The following TAF3 variants were observed in gnomAD, a reference collection of about 807,000 sequenced individuals.
The protein encoded by TAF3 is transcription initiation factor TFIID subunit 3.
A neutral mutation model predicts 80.6 loss-of-function variants in TAF3; 7 were observed. The observed-to-expected ratio is 0.09, with a 90% CI of 0.05 to 0.16. The LOEUF is 0.16. Ranked by LOEUF, TAF3 falls within the 10% of genes least tolerant of loss-of-function variation. The probability of loss-of-function intolerance (pLI) is 1.00; values close to 1 mark genes in which losing one functional copy is unlikely to be tolerated. For synonymous variants in TAF3, 444 were observed against 446.1 expected, an observed-to-expected ratio of 1.00 and a Z score of 0.06; for missense variants, 921 against 1,140.2, an observed-to-expected ratio of 0.81 and a Z score of 2.77.
chr10:8,010,045 A>G (rs1832039683), intron 5 of TAF3, among the ~76,000 whole-genome samples: 1 of 152,052 alleles, frequency 6.6e-6, no homozygotes, highest in South Asian at 2.1e-4. Context: ...AGCTGGGATC[A>G]CAGGCAGTCA....
chr10:7,867,036 AT>A (rs1009040407), intron 2 of TAF3, among the ~76,000 whole-genome samples: 3 of 152,170 alleles, frequency 2.0e-5, no homozygotes, highest in Admixed American at 6.5e-5. Context: ...AGGCAGGCGG[AT>A]CACCTGAGGT....
intron 2 of TAF3, among the ~76,000 whole-genome samples, chr10:7,950,340 C>T (rs1447197395): frequency 6.6e-6 from 1 of 152,136 alleles, no homozygotes; most frequent in Non-Finnish European, 1.5e-5. Context: ...CATGAAGACC[C>T]TGTGGAGGGA....
At chr10:7,907,604 G>A (rs1455510155) in intron 2 of TAF3, among the ~76,000 whole-genome samples, 1 of 152,164 alleles carries the variant, frequency 6.6e-6, no homozygotes, top group Non-Finnish European at 1.5e-5. Context: ...AGAAGTTTGG[G>A]CAATACTGAC....
chr10:7,876,161 T>C (rs1837310492), intron 2 of TAF3, among the ~76,000 whole-genome samples: 1 of 152,128 alleles, frequency 6.6e-6, no homozygotes, highest in Non-Finnish European at 1.5e-5. Flanking sequence ...GTGCGGTGTT[T>C]TATATTTTTC....
chr10:7,896,607 G>A (rs1213751765), intron 2 of TAF3, among the ~76,000 whole-genome samples: 2 of 152,148 alleles, frequency 1.3e-5, no homozygotes, highest in Non-Finnish European at 2.9e-5. Context: ...TGCAGTAAGT[G>A]GGACAGAGGT....
intron 2 of TAF3, among the ~76,000 whole-genome samples, chr10:7,871,709 G>T (rs1308277433): frequency 6.6e-6 from 1 of 151,998 alleles, no homozygotes; most frequent in Non-Finnish European, 1.5e-5. Context: ...CTCCCAAAGT[G>T]CTGGAATTAC....
At chr10:8,006,099 G>A (rs1418837412) in intron 4 of TAF3, among the ~76,000 whole-genome samples, 1 of 152,064 alleles carries the variant, frequency 6.6e-6, no homozygotes, top group Non-Finnish European at 1.5e-5. Flanking sequence ...GGAGGCTGAG[G>A]TGGGCAGATG....
rs58825999 is a variant in TAF3, at chr10:7,988,572, CAAAAAAAAAAAA to C, written c.2315+11267_2315+11278del. Among the ~76,000 whole-genome samples the C allele has an allele frequency of 5.1e-4, 25 of 49,282 alleles. 1 individual carries two copies. Among genetic ancestry groups the C allele is most frequent in the Admixed American group, 2.5e-3 (8 of 3,152 alleles). 32.3% of individuals were successfully genotyped at this position (49,282 alleles called of 152,430 possible). ...TGGGCAACAGAGTGAGACCCTGTCT[CAAAAAAAAAAAA>C]AAAAAAAAAAAAAAAAAGAAGCCAG... On this transcript the variant is annotated intron_variant, in intron 4 of 6. Coordinates refer to ENST00000344293, the MANE Select transcript of TAF3 (RefSeq NM_031923.4).
intron 2 of TAF3, among the ~76,000 whole-genome samples, chr10:7,878,320 C>T (rs1486848546): frequency 5.3e-5 from 8 of 152,178 alleles, no homozygotes; most frequent in Admixed American, 3.3e-4. Flanking sequence ...GAATAAAAGG[C>T]TCTCCAACTG....
At chr10:7,871,546 TG>T (rs2131145843) in intron 2 of TAF3, among the ~76,000 whole-genome samples, 1 of 149,878 alleles carries the variant, frequency 6.7e-6, no homozygotes, top group Non-Finnish European at 1.5e-5. Flanking sequence ...CAGGTTCAAG[TG>T]ATTCTGCTGC....
Position 8,009,073 on chromosome 10 carries a change from G to T in TAF3, c.2316-5G>T. On this transcript the variant is annotated splice_region_variant and splice_polypyrimidine_tract_variant and intron_variant, in intron 4 of 6. Coordinates refer to ENST00000344293, the MANE Select transcript of TAF3 (RefSeq NM_031923.4). The surrounding 1 kb of genome is among the most constrained non-coding windows in gnomAD (Gnocchi z 4.1). ...GACTTTTACCTTCTCTTCTTTTGTT[G>T]ACAGTGTCATCAGCAAGGTGGTCCC... The T allele has an allele frequency of 1.1e-5, 18 of 1,599,102 alleles. No individual in the cohort carries two copies. The highest frequency in any genetic ancestry group is 1.5e-5 in the Non-Finnish European group (18 of 1,173,354).
intron 4 of TAF3, among the ~76,000 whole-genome samples, chr10:7,986,383 TTC>T: frequency 6.6e-6 from 1 of 152,264 alleles, no homozygotes; most frequent in African/African-American, 2.4e-5. Context: ...GCCAGTGTGG[TTC>T]TTCTTCTTTT....
At chr10:7,979,217 G>A (rs750759663) in intron 4 of TAF3, among the ~76,000 whole-genome samples, 14 of 151,912 alleles carry the variant, frequency 9.2e-5, no homozygotes, top group South Asian at 4.2e-4. Flanking sequence ...GGTGGCAGGT[G>A]CCTGTAGTCC....
chr10:7,838,770 C>T (rs1588518706), intron 2 of TAF3, among the ~76,000 whole-genome samples: 1 of 152,144 alleles, frequency 6.6e-6, no homozygotes, highest in African/African-American at 2.4e-5. Flanking sequence ...CACACCCAGC[C>T]TCCTAGTTAA....
At position 7,956,809 on chromosome 10, in the gene TAF3, A is replaced by G. The variant is rs532551958; in HGVS notation, c.410-7111A>G. Among the ~76,000 whole-genome samples the G allele has an allele frequency of 3.3e-5, 5 of 152,332 alleles. No individual in the cohort carries two copies. The South Asian group carries it at 1.0e-3, about 32-fold the overall frequency. On this transcript the variant is annotated intron_variant, in intron 2 of 6. Coordinates refer to ENST00000344293, the MANE Select transcript of TAF3 (RefSeq NM_031923.4). Reference sequence around the variant, plus strand: ...ATTTCTTATTTGAAGTATAGCATTCACATTTTAGTGACTGTGTGAAAAACA... The same window carrying G: ...ATTTCTTATTTGAAGTATAGCATTCGCATTTTAGTGACTGTGTGAAAAACA...
At chr10:7,955,549 GTAGT>G (rs1354052270) in intron 2 of TAF3, among the ~76,000 whole-genome samples, 5 of 152,328 alleles carry the variant, frequency 3.3e-5, no homozygotes, top group Non-Finnish European at 4.4e-5. Flanking sequence ...ATGCGTCTGT[GTAGT>G]TAGTCAGATA....
At chr10:7,976,242 CTTTT>C (rs946240358) in intron 3 of TAF3, among the ~76,000 whole-genome samples, 4 of 150,374 alleles carry the variant, frequency 2.7e-5, no homozygotes, top group African/African-American at 9.8e-5. Context: ...CGTTTTCTTT[CTTTT>C]TTCTTTTTTT....
At chr10:7,897,760 A>G (rs1837519194) in intron 2 of TAF3, among the ~76,000 whole-genome samples, 1 of 151,766 alleles carries the variant, frequency 6.6e-6, no homozygotes, top group Non-Finnish European at 1.5e-5. Flanking sequence ...CCTGGGCTCA[A>G]GCGAGCCTCC....
At chr10:7,999,853 G>T (rs771952972) in intron 4 of TAF3, among the ~76,000 whole-genome samples, 1 of 151,794 alleles carries the variant, frequency 6.6e-6, no homozygotes, top group Non-Finnish European at 1.5e-5. Flanking sequence ...TATGGATGAT[G>T]CACTCAACTT....
Sources: allele counts gnomAD v4.1 joint callset (sites outside exome capture counted in the v4.1 genomes callset), GRCh38; gene constraint gnomAD v4.1.1; non-coding constraint Gnocchi (gnomAD v3.1); transcripts MANE v1.5; gene names NCBI Gene and HGNC (gene_info 2026-07-23, HGNC 2026-07-21).